GAS7: variants seen among roughly 807,000 people sequenced by gnomAD.
GAS7 encodes the protein growth arrest specific 7.
In GAS7, 28 loss-of-function variants were observed where a neutral mutation model predicts 71.1. The observed-to-expected ratio is 0.39, with a 90% confidence interval of 0.29 to 0.54. GAS7 has a LOEUF of 0.54. Among genes scored for constraint, GAS7 ranks in the 20% least tolerant of loss-of-function variants. The probability of loss-of-function intolerance (pLI) is 0.62; values close to 1 mark genes in which losing one functional copy is unlikely to be tolerated. For missense variants in GAS7, 436 were observed against 627.8 expected (o/e 0.69, Z 3.27); for synonymous variants, 258 against 245.8 (o/e 1.05, Z -0.46).
chr17:10,136,006 G>A (rs964425210), intron 1 of GAS7, among the ~76,000 whole-genome samples: 1 of 152,170 alleles, frequency 6.6e-6, no homozygotes, highest in African/African-American at 2.4e-5. Context: ...CCACTGAGCA[G>A]GGGGGTGGTT....
At chr17:10,190,579 CAAAAAAA>C (rs763366804) in intron 1 of GAS7, among the ~76,000 whole-genome samples, 4 of 103,406 alleles carry the variant, frequency 3.9e-5, no homozygotes, top group East Asian at 2.7e-4. Flanking sequence ...GACTCCGTCT[CAAAAAAA>C]AAAAAAAGAA....
intron 1 of GAS7, among the ~76,000 whole-genome samples, chr17:10,089,424 G>C (rs1015194745): frequency 6.6e-6 from 1 of 151,358 alleles, no homozygotes; most frequent in African/African-American, 2.4e-5. Context: ...GTGTCCTCAA[G>C]ATAAAATAAA....
chr17:10,075,448 G>A (rs1175541911), intron 1 of GAS7, among the ~76,000 whole-genome samples: 2 of 152,088 alleles, frequency 1.3e-5, no homozygotes, highest in African/African-American at 4.8e-5. Context: ...ATAAGACAAT[G>A]CCATTCACCA....
rs181824641 is a variant in GAS7 at position 9,988,687 on chromosome 17, G to A, written c.305-6803C>T. Reference sequence around the variant, plus strand: ...GGGTGACAGAGCAAGACTCCATCTCGAAAAAAAAAATTAAATGATATTTAA... The same window carrying A: ...GGGTGACAGAGCAAGACTCCATCTCAAAAAAAAAAATTAAATGATATTTAA... On this transcript the variant is annotated intron_variant, in intron 2 of 13. Transcript: ENST00000432992. Among the ~76,000 whole-genome samples the A allele has an allele frequency of 2.9e-3, 431 of 148,880 alleles. 1 individual carries two copies. Among genetic ancestry groups the A allele is most frequent in the African/African-American group, 0.01 (413 of 40,618 alleles).
chr17:10,089,667 T>A (rs2073559664), intron 1 of GAS7, among the ~76,000 whole-genome samples: 1 of 152,086 alleles, frequency 6.6e-6, no homozygotes, highest in South Asian at 2.1e-4. Flanking sequence ...AAGGCCCTGC[T>A]CACAGAAGGA....
intron 7 of GAS7, among the ~76,000 whole-genome samples, chr17:9,942,225 G>C (rs2068627222): frequency 6.6e-6 from 1 of 151,924 alleles, no homozygotes; most frequent in South Asian, 2.1e-4. Flanking sequence ...CTACACTCCA[G>C]CCTGGATGAC....
chr17:9,932,688 A>G (rs902918891), intron 9 of GAS7, among the ~76,000 whole-genome samples: 3 of 152,204 alleles, frequency 2.0e-5, no homozygotes, highest in Non-Finnish European at 2.9e-5. Flanking sequence ...CTTGAGAGAA[A>G]GCAGACCTGA....
chr17:10,019,735 G>A (rs2072186026), intron 2 of GAS7, 42 bp downstream of exon 2: 2 of 1,585,654 alleles, frequency 1.3e-6, no homozygotes, highest in Non-Finnish European at 1.7e-6. Flanking sequence ...GAGCCAGAAT[G>A]CCAGGGGGTT....
intron 2 of GAS7, among the ~76,000 whole-genome samples, chr17:9,996,071 A>C (rs1252796033): frequency 6.6e-6 from 1 of 152,244 alleles, no homozygotes; most frequent in African/African-American, 2.4e-5. Context: ...TTTCTTAAAA[A>C]TGAAACCAAA....
chr17:10,020,638 G>A (rs917394201), intron 1 of GAS7, among the ~76,000 whole-genome samples: 9 of 152,080 alleles, frequency 5.9e-5, no homozygotes, highest in South Asian at 2.1e-4. Flanking sequence ...ATGGCCGGGC[G>A]CAGTGGCTCA....
rs1009842180 is a variant in GAS7, at chr17:9,917,947, C to T, written c.1317+54G>A. ...TAACCTGCCACGGCCTAGCGCCAGG[C>T]GGCTCTCCCCAGGCCCCGTGTCGCC... On this transcript the variant is annotated intron_variant, in intron 13 of 13. Transcript: ENST00000432992. 8.5e-5 allele frequency: 108 copies of T among 1,275,642 alleles called. 2 individuals are homozygous for T. The highest frequency in any genetic ancestry group is 7.4e-4 in the East Asian group (32 of 43,040). 79.0% of individuals were successfully genotyped at this position (1,275,642 alleles called of 1,614,324 possible).
At chr17:10,005,348 T>TATATATATATACACACACACACACACAC (rs1567881175) in intron 2 of GAS7, among the ~76,000 whole-genome samples, 33 of 145,336 alleles carry the variant, frequency 2.3e-4, no homozygotes, top group African/African-American at 8.0e-4. Context: ...CACACACACA[T>TATATATATATACACACACACACACACAC]ATATATATAT....
intron 2 of GAS7, among the ~76,000 whole-genome samples, chr17:10,016,316 C>T (rs1424812990): frequency 2.1e-5 from 3 of 139,778 alleles, no homozygotes; most frequent in Non-Finnish European, 4.5e-5. Flanking sequence ...ACCCGGGAGG[C>T]GGAGCTTGCA....
At chr17:10,132,586 C>T (rs765420270) in intron 1 of GAS7, among the ~76,000 whole-genome samples, 126 of 152,114 alleles carry the variant, frequency 8.3e-4, no homozygotes, top group Non-Finnish European at 1.3e-3. Flanking sequence ...GCCAACAGGG[C>T]GAAACCCCGT....
At chr17:10,188,663 G>C (rs761944658) in intron 1 of GAS7, among the ~76,000 whole-genome samples, 1 of 152,178 alleles carries the variant, frequency 6.6e-6, no homozygotes. Context: ...TTAAGAGACA[G>C]AGTCTCACGC....
Position 10,054,791 on chromosome 17 carries a change from C to A in GAS7, c.184-34894G>T, listed in dbSNP as rs2073113636. ...TGCCAGCTTCCACGGGATCTGTGAA[C>A]CCCTTCCAAGGGCTGCAAATGTGTG... On this transcript the variant is annotated intron_variant, in intron 1 of 13. Transcript: ENST00000432992. 2.0e-5 allele frequency among the ~76,000 whole-genome samples: 3 copies of A among 152,326 alleles called. No individual in the cohort carries two copies. The South Asian group carries it at 6.2e-4, about 32-fold the overall frequency.
intron 1 of GAS7, among the ~76,000 whole-genome samples, chr17:10,180,095 C>T (rs765983004): frequency 6.6e-6 from 1 of 152,088 alleles, no homozygotes; most frequent in African/African-American, 2.4e-5. Context: ...TATCCCAGCA[C>T]TCTGGGAGGC....
intron 1 of GAS7, among the ~76,000 whole-genome samples, chr17:10,086,394 T>A (rs953772945): frequency 3.3e-5 from 5 of 152,164 alleles, no homozygotes; most frequent in Non-Finnish European, 5.9e-5. Context: ...AGTGTCCCCC[T>A]GCAACTCTGA....
intron 1 of GAS7, among the ~76,000 whole-genome samples, chr17:10,158,987 G>T (rs959695650): frequency 6.8e-6 from 1 of 147,814 alleles, no homozygotes; most frequent in Non-Finnish European, 1.5e-5. Flanking sequence ...CTGAGCCCAG[G>T]AAGTGGAGGC....
Sources: gnomAD v4.1 joint callset for allele counts (sites outside exome capture counted in the v4.1 genomes callset) on GRCh38, gnomAD v4.1.1 for gene constraint, MANE v1.5 for transcripts, NCBI Gene and HGNC (gene_info 2026-07-23, HGNC 2026-07-21) for gene names.